Variants in ADAMTS18 observed in about 807,000 individuals in gnomAD.
The protein encoded by ADAMTS18 is A disintegrin and metalloproteinase with thrombospondin motifs 18.
ADAMTS18 carries 157 observed loss-of-function variants against 165.9 expected under a neutral mutation model. The ratio of observed to expected loss-of-function variants is 0.95; its 90% CI spans 0.83 to 1.08. The LOEUF (loss-of-function observed/expected upper bound fraction) is 1.08. Ranked by LOEUF, ADAMTS18 falls within the 50% of genes least tolerant of loss-of-function variation. The probability of loss-of-function intolerance (pLI) is 0.00; values close to 1 mark genes in which losing one functional copy is unlikely to be tolerated. For missense variants in ADAMTS18, 2,040 were observed against 1,534.0 expected, an observed-to-expected ratio of 1.33 and a Z score of -5.51; for synonymous variants, 782 against 578.2, an observed-to-expected ratio of 1.35 and a Z score of -5.06.
chr16:77,372,871 C>T (rs1289691002), intron 3 of ADAMTS18, among the ~76,000 whole-genome samples: 1 of 152,140 alleles, frequency 6.6e-6, no homozygotes, highest in Non-Finnish European at 1.5e-5. Flanking sequence ...CAGCCAGAGT[C>T]CTTGTCCAGC....
intron 16 of ADAMTS18, among the ~76,000 whole-genome samples, chr16:77,308,198 A>AT (rs1442006526): frequency 6.6e-6 from 1 of 152,164 alleles, no homozygotes; most frequent in African/African-American, 2.4e-5. Context: ...GAGCTTTTCT[A>AT]TTTTTTAAAA....
At chr16:77,392,379 A>G (rs1486640646) in intron 3 of ADAMTS18, among the ~76,000 whole-genome samples, 5 of 152,082 alleles carry the variant, frequency 3.3e-5, no homozygotes, top group Non-Finnish European at 7.4e-5. Context: ...TATGCCCAGT[A>G]TGGTGCTCCA....
intron 10 of ADAMTS18, among the ~76,000 whole-genome samples, chr16:77,347,071 T>G (rs1357126912): frequency 1.3e-5 from 2 of 152,236 alleles, no homozygotes; most frequent in Non-Finnish European, 2.9e-5. Context: ...GAATGTACTC[T>G]TTTGTTCGGC....
intron 11 of ADAMTS18, 27 bp downstream of exon 11, chr16:77,341,677 C>T: frequency 6.3e-7 from 1 of 1,591,690 alleles, no homozygotes; most frequent in Non-Finnish European, 8.6e-7. Flanking sequence ...ATTTCTGGAG[C>T]TAAAAACTAA....
chr16:77,379,328 T>C (rs2056998634), intron 3 of ADAMTS18, among the ~76,000 whole-genome samples: 1 of 151,642 alleles, frequency 6.6e-6, no homozygotes. Context: ...TTGGTTTGGC[T>C]AGCATCATGG....
chr16:77,357,232 CT>C (rs550205273), intron 8 of ADAMTS18, among the ~76,000 whole-genome samples: 124 of 152,030 alleles, frequency 8.2e-4, no homozygotes, highest in African/African-American at 2.8e-3. Context: ...AAAGATATGA[CT>C]TTTTTTGTGA....
intron 16 of ADAMTS18, among the ~76,000 whole-genome samples, chr16:77,300,787 A>G (rs1284932596): frequency 6.6e-6 from 1 of 152,214 alleles, no homozygotes; most frequent in Non-Finnish European, 1.5e-5. Context: ...GTGAACACAC[A>G]TAGTCGTACC....
At chr16:77,341,583 T>G (rs976988236) in intron 11 of ADAMTS18, 121 bp downstream of exon 11, 42 of 803,860 alleles carry the variant, frequency 5.2e-5, no homozygotes, top group Non-Finnish European at 7.5e-5. Context: ...GTTGTTAATA[T>G]GAAGAGAAGT....
chr16:77,357,843 C>T (rs557388997), intron 8 of ADAMTS18, among the ~76,000 whole-genome samples: 5 of 152,308 alleles, frequency 3.3e-5, no homozygotes, highest in African/African-American at 9.6e-5. Context: ...ATTTTACCAT[C>T]TGTCCTTCCC....
At chr16:77,345,064 G>A (rs909458943) in intron 10 of ADAMTS18, among the ~76,000 whole-genome samples, 1 of 151,944 alleles carries the variant, frequency 6.6e-6, no homozygotes, top group African/African-American at 2.4e-5. Context: ...GCCTGCATAT[G>A]ATTTTTTTAA....
At chr16:77,351,530 TGAA>T (rs1294330883) in intron 10 of ADAMTS18, among the ~76,000 whole-genome samples, 3 of 152,212 alleles carry the variant, frequency 2.0e-5, no homozygotes, top group Admixed American at 1.3e-4. Context: ...TTTGTATTTC[TGAA>T]GAAAATTATA....
intron 3 of ADAMTS18, among the ~76,000 whole-genome samples, chr16:77,413,761 C>T (rs1335061624): frequency 8.7e-6 from 1 of 115,328 alleles, no homozygotes; most frequent in East Asian, 2.2e-4. Context: ...AAAGTTATTA[C>T]AAAAACAAAC....
chr16:77,323,050 T>G (rs2056031834), intron 13 of ADAMTS18, among the ~76,000 whole-genome samples: 1 of 152,132 alleles, frequency 6.6e-6, no homozygotes, highest in African/African-American at 2.4e-5. Context: ...AATAAACTCG[T>G]CCTGAAGGCT....
chr16:77,316,013 A>T (rs1235664365), intron 16 of ADAMTS18, among the ~76,000 whole-genome samples: 1 of 152,166 alleles, frequency 6.6e-6, no homozygotes, highest in African/African-American at 2.4e-5. Flanking sequence ...ATGCTCAGGG[A>T]AGAAACCTGA....
chr16:77,352,961 T>C (rs2056576932), intron 10 of ADAMTS18, among the ~76,000 whole-genome samples: 1 of 151,882 alleles, frequency 6.6e-6, no homozygotes, highest in Non-Finnish European at 1.5e-5. Flanking sequence ...TAGCCGAGCA[T>C]GGTGGCTACT....
intron 16 of ADAMTS18, among the ~76,000 whole-genome samples, chr16:77,316,560 C>T (rs1364842137): frequency 6.6e-6 from 1 of 152,184 alleles, no homozygotes; most frequent in Non-Finnish European, 1.5e-5. Context: ...GTGTGGGCCA[C>T]CCCCTGACTA....
rs2056761120 is a variant in ADAMTS18, at chr16:77,364,340, CA to C, written c.819del (p.Phe273LeufsTer49). Reference protein sequence around the residue: ...KPPTEDTYLRFDEYGSSGRPR... With the variant: ...KPPTEDTYLRXDEYGSSGRPR... ...GGTCGCCCAGAGCTCCCATATTCAT[CA>C]AACCTTAGATAGGTGTCCTCTGTGG... is the stretch of plus-strand genomic sequence containing the variant. On this transcript the variant is annotated frameshift_variant, in exon 5 of 23. Coordinates refer to ENST00000282849, the MANE Select transcript of ADAMTS18 (RefSeq NM_199355.4). LOFTEE classifies it high-confidence loss of function. 1 of 1,613,736 alleles carries C rather than the reference CA, an allele frequency of 6.2e-7. No homozygotes were observed. The highest frequency in any genetic ancestry group is 8.5e-7 in the Non-Finnish European group (1 of 1,180,004).
rs141522765 is a variant in ADAMTS18 at position 77,311,700 on chromosome 16, G to GGT, written c.2532+8148_2532+8149insAC. 4.1e-3 allele frequency among the ~76,000 whole-genome samples: 387 copies of GGT among 94,234 alleles called. 1 individual carries two copies. The highest frequency in any genetic ancestry group is 8.2e-3 in the South Asian group (27 of 3,296). The allele number at this position is 94,234 out of a possible 152,430, so 61.8% of individuals were successfully genotyped here. A position where few individuals can be genotyped will look rare whatever the true frequency, so the allele number is the denominator to read the frequency against. ...ATAGACAAAATACTAGATTACTGGAGTTTTCTTTTTTTTTTGCTTTGAATA... is the reference window on the plus strand; with the variant it reads ...ATAGACAAAATACTAGATTACTGGAGGTTTTTCTTTTTTTTTTGCTTTGAATA... On this transcript the variant is annotated intron_variant, in intron 16 of 22. Transcript: ENST00000282849.
rs1268736257 is a variant in ADAMTS18, at chr16:77,282,541, T to G, written c.*1415A>C. On this transcript the variant is annotated 3_prime_UTR_variant, in exon 23 of 23. Transcript: ENST00000282849. ...CTAAATTTAACAAACCACTGTCTAGTTGATTATGCTGAGCTGGCTAATCCA... is the reference window on the plus strand; with the variant it reads ...CTAAATTTAACAAACCACTGTCTAGGTGATTATGCTGAGCTGGCTAATCCA... 6.6e-6 allele frequency: 1 copy of G among 152,634 alleles called. No homozygotes were observed. The highest frequency in any genetic ancestry group is 2.4e-5 in the African/African-American group (1 of 41,468). 9.5% of individuals were successfully genotyped at this position (152,634 alleles called of 1,614,324 possible).
Sources: allele counts gnomAD v4.1 joint callset (sites outside exome capture counted in the v4.1 genomes callset), GRCh38; gene constraint gnomAD v4.1.1; transcripts MANE v1.5; gene names NCBI Gene and HGNC (gene_info 2026-07-23, HGNC 2026-07-21).